Variants in HECTD4 observed in about 807,000 individuals in gnomAD.
HECTD4 encodes probable E3 ubiquitin-protein ligase HECTD4.
A neutral mutation model predicts 471.5 loss-of-function variants in HECTD4; 114 were observed. That is an observed-to-expected ratio of 0.24 (90% CI 0.21 to 0.28). The LOEUF is 0.28. HECTD4 is among the 10% of genes least tolerant of loss of function. HECTD4 has a pLI of 1.00. For missense variants in HECTD4, 3,866 were observed against 5,651.5 expected (o/e 0.68, Z 10.13); for synonymous variants, 2,012 against 2,256.0 (o/e 0.89, Z 3.07).
At chr12:112,205,363 G>A (rs1049136911) in intron 52 of HECTD4, among the ~76,000 whole-genome samples, 1 of 152,112 alleles carries the variant, frequency 6.6e-6, no homozygotes, top group Admixed American at 6.5e-5. Flanking sequence ...GAACCCGGGA[G>A]GTGGAGGTTG....
At chr12:112,208,726 G>A (rs2032667898) in intron 50 of HECTD4, 96 bp from the exon 51 acceptor site, 1 of 1,132,170 alleles carries the variant, frequency 8.8e-7, no homozygotes, top group Admixed American at 3.1e-5. Context: ...ATCTTAATTT[G>A]CATGATAGGA....
intron 45 of HECTD4, among the ~76,000 whole-genome samples, chr12:112,217,640 C>T (rs924369859): frequency 6.6e-6 from 1 of 152,242 alleles, no homozygotes; most frequent in African/African-American, 2.4e-5. Context: ...AGGCGTGAGC[C>T]GCCATGCCCA....
At chr12:112,191,863 G>C (rs555346412) in intron 59 of HECTD4, among the ~76,000 whole-genome samples, 126 of 152,320 alleles carry the variant, frequency 8.3e-4, no homozygotes, top group Non-Finnish European at 1.5e-3. Flanking sequence ...GCCCAGGCCT[G>C]TTATTTTGGC....
In HECTD4 at chr12:112,160,813, G is replaced by A. The variant is rs1002235520; in HGVS notation, c.*1574C>T. Reference sequence around the variant, plus strand: ...GAGCTGTGGCCGCTGGGGAGGCAGCGGGCTGACCATCTTCTTTCAAAGCAG... The same window carrying A: ...GAGCTGTGGCCGCTGGGGAGGCAGCAGGCTGACCATCTTCTTTCAAAGCAG... On this transcript the variant is annotated 3_prime_UTR_variant, in exon 76 of 76. Coordinates refer to ENST00000682272, the MANE Select transcript of HECTD4 (RefSeq NM_001388303.1). 7 of 152,202 alleles carry A rather than the reference G, an allele frequency of 4.6e-5. 1 individual carries two copies. Among genetic ancestry groups the A allele is most frequent in the Admixed American group, 2.6e-4 (4 of 15,276 alleles). The allele number at this position is 152,202 out of a possible 1,614,324, so 9.4% of individuals were successfully genotyped here.
chr12:112,353,087 CAG>C (rs2036275187), intron 1 of HECTD4, among the ~76,000 whole-genome samples: 1 of 152,172 alleles, frequency 6.6e-6, no homozygotes, highest in Non-Finnish European at 1.5e-5. Context: ...CAGACCAAAA[CAG>C]AACATCAACT....
intron 7 of HECTD4, among the ~76,000 whole-genome samples, chr12:112,290,865 A>AAC (rs2034868244): frequency 1.3e-5 from 2 of 148,270 alleles, no homozygotes; most frequent in African/African-American, 4.9e-5. Flanking sequence ...AAACAAAACA[A>AAC]AAAAAAAAAA....
At position 112,266,992 on chromosome 12, in the gene HECTD4, C is replaced by CA. The variant is rs759868862; in HGVS notation, c.2322-11dup. On this transcript the variant is annotated splice_polypyrimidine_tract_variant and intron_variant, in intron 13 of 75. Coordinates refer to ENST00000682272, the MANE Select transcript of HECTD4 (RefSeq NM_001388303.1). ...GATATTTAAACCAGAGCTGAAATGA[C>CA]AAAAAAGTCAAAAACATTTAAGCAA... The CA allele has an allele frequency of 5.0e-6, 7 of 1,413,196 alleles. No homozygotes were observed. Among genetic ancestry groups the CA allele is most frequent in the Non-Finnish European group, 6.8e-6 (7 of 1,032,012 alleles). 87.5% of individuals were successfully genotyped at this position (1,413,196 alleles called of 1,614,324 possible).
intron 1 of HECTD4, among the ~76,000 whole-genome samples, chr12:112,368,849 T>C (rs1366973977): frequency 2.0e-5 from 3 of 152,194 alleles, no homozygotes; most frequent in Non-Finnish European, 1.5e-5. Flanking sequence ...ACAATCCACT[T>C]AATATAGGTA....
rs1480683697 is a variant in HECTD4 at position 112,209,975 on chromosome 12, A to G, written c.7867+40T>C. On this transcript the variant is annotated intron_variant, in intron 50 of 75. Transcript: ENST00000682272. ...TGGAATTCATAACATTCATGGTCTCAGGAAGCCATGGAGGCAGTAAGTTCC... is the reference window on the plus strand; with the variant it reads ...TGGAATTCATAACATTCATGGTCTCGGGAAGCCATGGAGGCAGTAAGTTCC... 2.0e-6 allele frequency: 3 copies of G among 1,489,036 alleles called. No homozygotes were observed. The Admixed American group carries it at 5.6e-5, about 28-fold the overall frequency. 92.2% of individuals were successfully genotyped at this position (1,489,036 alleles called of 1,614,324 possible).
intron 7 of HECTD4, among the ~76,000 whole-genome samples, chr12:112,285,239 C>G (rs2034725970): frequency 6.6e-6 from 1 of 152,184 alleles, no homozygotes; most frequent in Non-Finnish European, 1.5e-5. Flanking sequence ...CTGTCTCTCT[C>G]TTTGCTGGTC....
intron 1 of HECTD4, among the ~76,000 whole-genome samples, chr12:112,321,005 G>A (rs1034640538): frequency 6.6e-5 from 10 of 151,988 alleles, no homozygotes; most frequent in Admixed American, 3.9e-4. Context: ...CACCATGCCC[G>A]GCTAATTTTT....
chr12:112,251,089 G>T lies in HECTD4; in HGVS notation c.3598C>A (p.Leu1200Met), dbSNP rs2033873479. ...VSGGLPFLVD[L>M]ALGLSVLACS... ...GCTAACACAGACAGACCTAAAGCCA[G>T]GTCTACCAGAAAGGGCAAGCCTCCT... The change falls in exon 24 of 76, where the codon CTG becomes ATG. Residue 1200 changes from leucine (L) to methionine (M), a missense_variant. Leu to Met is a conservative substitution (Grantham distance 15, BLOSUM62 2). Coordinates refer to ENST00000682272, the MANE Select transcript of HECTD4 (RefSeq NM_001388303.1). The T allele has an allele frequency of 1.2e-6, 2 of 1,613,868 alleles. No homozygotes were observed. The highest frequency in any genetic ancestry group is 1.7e-6 in the Non-Finnish European group (2 of 1,179,890).
Position 112,323,931 on chromosome 12 carries a change from A to AT in HECTD4, c.178-4190dup, listed in dbSNP as rs1198535751. Among the ~76,000 whole-genome samples the AT allele has an allele frequency of 3.4e-5, 5 of 148,776 alleles. 1 individual carries two copies. The highest frequency in any genetic ancestry group is 3.0e-5 in the Non-Finnish European group (2 of 67,312). ...ATCATTAAAAATAAAAATTAGAGGT[A>AT]TTTTTTACTGAGGTGCTTCTTTCTT... On this transcript the variant is annotated intron_variant, in intron 1 of 75. Transcript: ENST00000682272.
At chr12:112,242,015 C>A (rs1593967204) in intron 32 of HECTD4, among the ~76,000 whole-genome samples, 1 of 152,168 alleles carries the variant, frequency 6.6e-6, no homozygotes, top group East Asian at 1.9e-4. Context: ...CAGAGAAATG[C>A]ATTTTCTATT....
In HECTD4 at chr12:112,263,982, C is replaced by T. The variant is rs921493036; in HGVS notation, c.2748+102G>A. The T allele has an allele frequency of 5.3e-6, 6 of 1,136,012 alleles. No individual in the cohort carries two copies. The African/African-American group carries it at 6.3e-5, about 12-fold the overall frequency. The allele number at this position is 1,136,012 out of a possible 1,614,324, so 70.4% of individuals were successfully genotyped here. On this transcript the variant is annotated intron_variant, in intron 17 of 75. Coordinates refer to ENST00000682272, the MANE Select transcript of HECTD4 (RefSeq NM_001388303.1). ...ATGTTACCTCTCACAAGAATATAAG[C>T]CACAAGGTGAATTCTGACATCATAA...
At chr12:112,189,810 A>G (rs1156984762) in intron 60 of HECTD4, among the ~76,000 whole-genome samples, 1 of 151,676 alleles carries the variant, frequency 6.6e-6, no homozygotes. Flanking sequence ...CTGGAGTGCA[A>G]TGGCGCAATC....
At chr12:112,189,043 T>A (rs1782526054) in intron 60 of HECTD4, among the ~76,000 whole-genome samples, 1 of 152,218 alleles carries the variant, frequency 6.6e-6, no homozygotes, top group South Asian at 2.1e-4. Context: ...GGGTGTTTTT[T>A]ATTTTTTGCA....
chr12:112,179,900 T>C lies in HECTD4; in HGVS notation c.10988-503A>G, dbSNP rs888993897. Among the ~76,000 whole-genome samples the C allele has an allele frequency of 1.3e-5, 2 of 152,250 alleles. No individual in the cohort carries two copies. Among genetic ancestry groups the C allele is most frequent in the Admixed American group, 6.5e-5 (1 of 15,286 alleles). On this transcript the variant is annotated intron_variant, in intron 62 of 75. Transcript: ENST00000682272. This position sits in a 1 kb window ranked among gnomAD's most constrained non-coding sequence, Gnocchi z 4.3. Reference sequence around the variant, plus strand: ...CAGGTGATCTCATTCATAGGAAATATTCTTCAAAACTGGCGCAATGAGCAG... The same window carrying C: ...CAGGTGATCTCATTCATAGGAAATACTCTTCAAAACTGGCGCAATGAGCAG...
chr12:112,261,572 G>T (rs1157041913), intron 17 of HECTD4, 143 bp from the exon 18 acceptor site: 3 of 831,656 alleles, frequency 3.6e-6, no homozygotes, highest in Non-Finnish European at 5.4e-6. Context: ...AGTAAATTCT[G>T]CTAGAAATAA....
Sources: gnomAD v4.1 joint callset for allele counts (sites outside exome capture counted in the v4.1 genomes callset) on GRCh38, gnomAD v4.1.1 for gene constraint, Gnocchi (gnomAD v3.1) non-coding constraint, MANE v1.5 for transcripts, NCBI Gene and HGNC (gene_info 2026-07-23, HGNC 2026-07-21) for gene names.